TYW1B: variants seen among roughly 807,000 people sequenced by gnomAD.
The protein encoded by TYW1B is S-adenosyl-L-methionine-dependent tRNA 4-demethylwyosine synthase TYW1B.
A neutral mutation model predicts 86.9 loss-of-function variants in TYW1B; 73 were observed. The observed-to-expected ratio is 0.84, with a 90% CI of 0.70 to 1.02. The LOEUF is 1.02. Ranked by LOEUF, TYW1B falls within the 50% of genes least tolerant of loss-of-function variation. The pLI is 0.00. For synonymous variants in TYW1B, 248 were observed against 292.8 expected, an observed-to-expected ratio of 0.85 and a Z score of 1.56; for missense variants, 637 against 827.4, an observed-to-expected ratio of 0.77 and a Z score of 2.82.
intron 6 of TYW1B, among the ~76,000 whole-genome samples, chr7:72,779,995 G>A (rs1231114054): frequency 1.3e-5 from 2 of 152,034 alleles, no homozygotes; most frequent in African/African-American, 4.8e-5. Flanking sequence ...ACACATTACT[G>A]GATGGAGCTG....
chr7:72,804,814 G>T (rs534966145), intron 5 of TYW1B, among the ~76,000 whole-genome samples: 7 of 152,248 alleles, frequency 4.6e-5, no homozygotes, highest in Non-Finnish European at 8.8e-5. Context: ...CCAGCCTGGG[G>T]GACAGACTAG....
At chr7:72,797,759 T>C (rs1229867807) in intron 6 of TYW1B, among the ~76,000 whole-genome samples, 3 of 152,190 alleles carry the variant, frequency 2.0e-5, no homozygotes, top group South Asian at 2.1e-4. Context: ...ATCTTAACTA[T>C]AGTGCTTTCA....
At chr7:72,735,726 C>T (rs13228136) in intron 8 of TYW1B, among the ~76,000 whole-genome samples, 105,474 of 151,670 alleles carry the variant, frequency 0.7, 37,528 homozygotes, top group Non-Finnish European at 0.77. Context: ...AAAAATTATC[C>T]GGGCTTGGTG....
In TYW1B at chr7:72,826,942, T is replaced by C. The variant is rs782678572; in HGVS notation, c.48A>G (p.Ser16=). The C allele has an allele frequency of 1.2e-5, 20 of 1,613,916 alleles. No individual in the cohort carries two copies. The East Asian group carries it at 2.9e-4, about 23-fold the overall frequency. ...AAATGTAAAACCTGTTTATCCATAA[T>C]GATATTAAAGGTGAGGAGAGGTCCC... The part of the protein sequence containing the change: ...DTWDLSSPLI[S]LWINRFYIYL... The change falls in exon 2 of 14, where the codon TCA becomes TCG. Residue 16 remains serine, a synonymous_variant. Transcript: ENST00000620995.
chr7:72,777,442 G>C lies in TYW1B; in HGVS notation c.938C>G (p.Ala313Gly), dbSNP rs765223797. The C allele has an allele frequency of 6.2e-7, 1 of 1,614,072 alleles. No homozygotes were observed. ...DGERRAMITP[A>G]LREALTKQVD... ...TTGTTTAGTAAGGGCTTCTCGGAGA[G>C]CAGGAGTTATCATAGCTCTTCTTTC... Residue 313 changes from alanine to glycine, a missense_variant, in exon 7 of 14, where the codon GCT becomes GGT. Physicochemically the swap from Ala to Gly is moderately conservative, Grantham distance 60. Transcript: ENST00000620995.
chr7:72,734,813 CA>C (rs1421124928), intron 8 of TYW1B, among the ~76,000 whole-genome samples: 2 of 143,922 alleles, frequency 1.4e-5, no homozygotes, highest in Admixed American at 7.2e-5. Flanking sequence ...TGTAAATAGA[CA>C]TTTCTCAAAA....
At chr7:72,699,764 C>G (rs1174740293) in intron 10 of TYW1B, among the ~76,000 whole-genome samples, 1 of 151,990 alleles carries the variant, frequency 6.6e-6, no homozygotes, top group African/African-American at 2.4e-5. Flanking sequence ...ATTCTCCTAC[C>G]TCAGCCTCCC....
At chr7:72,607,537 A>G (rs1393550510) in intron 13 of TYW1B, among the ~76,000 whole-genome samples, 1 of 152,002 alleles carries the variant, frequency 6.6e-6, no homozygotes, top group Non-Finnish European at 1.5e-5. Context: ...TAGAAATAGG[A>G]AAATAATCAA....
intron 8 of TYW1B, among the ~76,000 whole-genome samples, chr7:72,743,662 G>C (rs1453444597): frequency 1.3e-5 from 2 of 151,918 alleles, no homozygotes; most frequent in African/African-American, 2.4e-5. Context: ...TGGCCAACAT[G>C]GTGAAACCCC....
intron 2 of TYW1B, among the ~76,000 whole-genome samples, chr7:72,818,396 T>C (rs1271748740): frequency 6.6e-6 from 1 of 151,240 alleles, no homozygotes; most frequent in Admixed American, 6.6e-5. Flanking sequence ...AGCCTGGGCA[T>C]GGTGAAACCC....
chr7:72,756,206 A>T (rs964041670), intron 7 of TYW1B, among the ~76,000 whole-genome samples: 1 of 107,004 alleles, frequency 9.3e-6, no homozygotes, highest in African/African-American at 3.6e-5. Context: ...TTATTTTTTT[A>T]TTTTATTTTA....
At chr7:72,757,741 C>T (rs1787617234) in intron 7 of TYW1B, among the ~76,000 whole-genome samples, 1 of 151,964 alleles carries the variant, frequency 6.6e-6, no homozygotes, top group Non-Finnish European at 1.5e-5. Context: ...TGCCTGATAA[C>T]AAAAAAAGAT....
chr7:72,730,591 A>G (rs1280956594), intron 8 of TYW1B, among the ~76,000 whole-genome samples: 4 of 150,766 alleles, frequency 2.7e-5, no homozygotes, highest in African/African-American at 9.8e-5. Flanking sequence ...AAGGAAAAGA[A>G]GAAGGAGGAG....
intron 9 of TYW1B, among the ~76,000 whole-genome samples, chr7:72,727,461 T>C (rs534667992): frequency 3.0e-4 from 45 of 152,224 alleles, no homozygotes; most frequent in African/African-American, 9.6e-4. Flanking sequence ...AGCCATCACA[T>C]GTACAGTAGT....
intron 6 of TYW1B, among the ~76,000 whole-genome samples, chr7:72,782,862 C>T (rs1788071657): frequency 6.6e-6 from 1 of 152,088 alleles, no homozygotes; most frequent in Non-Finnish European, 1.5e-5. Flanking sequence ...GGGCAACAGA[C>T]TCTGTCTCAA....
chr7:72,577,397 G>C (rs1811046933), intron 13 of TYW1B, among the ~76,000 whole-genome samples: 1 of 152,050 alleles, frequency 6.6e-6, no homozygotes, highest in South Asian at 2.1e-4. Flanking sequence ...GTGCCTCAAG[G>C]GCCCTGTGAA....
In TYW1B at chr7:72,657,982, G is replaced by A. The variant is rs535306159; in HGVS notation, c.1507-28985C>T. Among the ~76,000 whole-genome samples the A allele has an allele frequency of 1.3e-4, 20 of 152,342 alleles. No homozygotes were observed. In the East Asian group the frequency reaches 3.7e-3, roughly 28 times the overall value. Reference sequence around the variant, plus strand: ...CACAAAGTCGTTAAATGGGCCAGGAGCGGTGGCTCGCACCTGTAATCCCAG... The same window carrying A: ...CACAAAGTCGTTAAATGGGCCAGGAACGGTGGCTCGCACCTGTAATCCCAG... On this transcript the variant is annotated intron_variant, in intron 11 of 13. Coordinates refer to ENST00000620995, the MANE Select transcript of TYW1B (RefSeq NM_001145440.3).
rs1247100050 is a variant in TYW1B, at chr7:72,575,062, G to A, written c.*436C>T. 5.0e-6 allele frequency: 5 copies of A among 1,001,746 alleles called. No homozygotes were observed. Among genetic ancestry groups the A allele is most frequent in the Non-Finnish European group, 6.0e-6 (5 of 839,288 alleles). 62.1% of individuals were successfully genotyped at this position (1,001,746 alleles called of 1,614,324 possible). A position where few individuals can be genotyped will look rare whatever the true frequency, so the allele number is the denominator to read the frequency against. On this transcript the variant is annotated 3_prime_UTR_variant, in exon 14 of 14. Transcript: ENST00000620995. ...CTCTTATCTTAGAAAGCACAGACAC[G>A]TTTAGCTCAGGGTAGTGCAATTCAA...
chr7:72,807,778 G>A (rs1421195329), intron 4 of TYW1B, among the ~76,000 whole-genome samples: 4 of 152,092 alleles, frequency 2.6e-5, no homozygotes, highest in African/African-American at 2.4e-5. Context: ...GGCAAGATTC[G>A]TAATTTCCTA....
Sources: gnomAD v4.1 joint callset for allele counts (sites outside exome capture counted in the v4.1 genomes callset) on GRCh38, gnomAD v4.1.1 for gene constraint, MANE v1.5 for transcripts, NCBI Gene and HGNC (gene_info 2026-07-23, HGNC 2026-07-21) for gene names.